HADHB: variants seen among roughly 807,000 people sequenced by gnomAD.
The protein encoded by HADHB is trifunctional enzyme subunit beta, mitochondrial.
HADHB carries 50 observed loss-of-function variants against 61.9 expected under a neutral mutation model. The observed-to-expected ratio is 0.81, with a 90% confidence interval of 0.64 to 1.02. The LOEUF is 1.02. Ranked by LOEUF, HADHB falls within the 50% of genes least tolerant of loss-of-function variation. HADHB has a pLI of 0.00. For synonymous variants in HADHB, 191 were observed against 201.6 expected (o/e 0.95, Z 0.45); for missense variants, 504 against 586.5 (o/e 0.86, Z 1.45).
intron 8 of HADHB, 79 bp downstream of exon 8, chr2:26,278,880 A>G (rs1672668936): frequency 1.7e-6 from 2 of 1,167,016 alleles, no homozygotes; most frequent in East Asian, 2.3e-5. Flanking sequence ...CTATGCTGTA[A>G]TAGGTGTAGA....
At chr2:26,272,417 C>A (rs999289864) in intron 5 of HADHB, among the ~76,000 whole-genome samples, 1 of 149,574 alleles carries the variant, frequency 6.7e-6, no homozygotes, top group Non-Finnish European at 1.5e-5. Context: ...ACGATCTCGG[C>A]TCACTGCAGC....
intron 15 of HADHB, among the ~76,000 whole-genome samples, chr2:26,287,629 T>C (rs1004086979): frequency 3.9e-5 from 6 of 152,208 alleles, no homozygotes; most frequent in Non-Finnish European, 5.9e-5. Context: ...GAAGATAAGA[T>C]GCATCTGAGA....
At chr2:26,257,468 G>A (rs1671674918) in intron 3 of HADHB, among the ~76,000 whole-genome samples, 1 of 152,056 alleles carries the variant, frequency 6.6e-6, no homozygotes, top group Non-Finnish European at 1.5e-5. Context: ...TCCCATAACT[G>A]TAGTATATCC....
intron 4 of HADHB, among the ~76,000 whole-genome samples, chr2:26,268,365 C>G (rs1672187957): frequency 6.6e-6 from 1 of 152,192 alleles, no homozygotes. Context: ...GAAGGTGGAA[C>G]TTAATTCTCC....
At chr2:26,283,902 A>T (rs1672905999) in intron 12 of HADHB, among the ~76,000 whole-genome samples, 1 of 152,040 alleles carries the variant, frequency 6.6e-6, no homozygotes. Flanking sequence ...CTGTTTATTT[A>T]TTATCAATTT....
At chr2:26,246,020 T>C (rs966623345) in intron 1 of HADHB, among the ~76,000 whole-genome samples, 2 of 151,928 alleles carry the variant, frequency 1.3e-5, no homozygotes, top group African/African-American at 4.8e-5. Flanking sequence ...AGAGACAGAG[T>C]AGAGAGGTTT....
intron 10 of HADHB, among the ~76,000 whole-genome samples, chr2:26,282,063 G>GT (rs1437375889): frequency 6.6e-6 from 1 of 151,842 alleles, no homozygotes; most frequent in African/African-American, 2.4e-5. Context: ...TCTCCCATTG[G>GT]TTTGCTCGTT....
chr2:26,254,585 TATGAGCACATG>T (rs1329401238), intron 3 of HADHB, 111 bp downstream of exon 3: 1 of 744,446 alleles, frequency 1.3e-6, no homozygotes, highest in Non-Finnish European at 2.4e-6. Context: ...CTCCCCTTTT[TATGAGCACATG>T]AACATCTCTG....
intron 13 of HADHB, among the ~76,000 whole-genome samples, 196 bp downstream of exon 13, chr2:26,284,400 A>G (rs1156668874): frequency 6.6e-6 from 1 of 152,084 alleles, no homozygotes; most frequent in Non-Finnish European, 1.5e-5. Flanking sequence ...GTTGGAGAAC[A>G]TACCAAATTG....
intron 9 of HADHB, among the ~76,000 whole-genome samples, 162 bp from the exon 10 acceptor site, chr2:26,279,832 G>C (rs1182567676): frequency 1.3e-5 from 2 of 152,110 alleles, no homozygotes; most frequent in Non-Finnish European, 2.9e-5. Flanking sequence ...TAAGACTTTA[G>C]TTTAAAATTT....
chr2:26,263,331 C>A, intron 3 of HADHB, 49 bp from the exon 4 acceptor site: 2 of 1,016,868 alleles, frequency 2.0e-6, no homozygotes, highest in Non-Finnish European at 3.1e-6. Flanking sequence ...AGTCATCAGA[C>A]TTTATATATT....
At chr2:26,266,041 T>C (rs1672061157) in intron 4 of HADHB, among the ~76,000 whole-genome samples, 1 of 150,548 alleles carries the variant, frequency 6.6e-6, no homozygotes, top group East Asian at 2.0e-4. Context: ...ACTAGACACC[T>C]ATCCCCAACG....
At chr2:26,270,512 G>T (rs991198576) in intron 5 of HADHB, among the ~76,000 whole-genome samples, 10 of 151,842 alleles carry the variant, frequency 6.6e-5, no homozygotes, top group African/African-American at 2.2e-4. Context: ...TTCTTAGTTT[G>T]GAGAAACCCT....
At chr2:26,270,110 T>C in intron 5 of HADHB, 113 bp downstream of exon 5, 1 of 785,244 alleles carries the variant, frequency 1.3e-6, no homozygotes, top group Non-Finnish European at 2.3e-6. Flanking sequence ...TATACAAATT[T>C]AAGCAGCTTA....
intron 1 of HADHB, 199 bp downstream of exon 1, chr2:26,245,189 G>C (rs1369529138): frequency 5.3e-6 from 1 of 188,304 alleles, no homozygotes; most frequent in Non-Finnish European, 1.1e-5. Flanking sequence ...TAGCGTTCCA[G>C]CTGAAGTTCG....
intron 7 of HADHB, among the ~76,000 whole-genome samples, chr2:26,277,687 G>A (rs917090446): frequency 1.3e-5 from 2 of 152,162 alleles, no homozygotes; most frequent in African/African-American, 4.8e-5. Flanking sequence ...CATTGGCGTG[G>A]TTCCTCTGTG....
intron 4 of HADHB, among the ~76,000 whole-genome samples, chr2:26,264,411 A>C (rs975866828): frequency 6.6e-6 from 1 of 151,974 alleles, no homozygotes; most frequent in Admixed American, 6.6e-5. Flanking sequence ...TTAGCTGGGC[A>C]TGGTGGTACA....
rs1168276128 is a variant in HADHB at position 26,264,216 on chromosome 2, A to T, written c.209+737A>T. Among the ~76,000 whole-genome samples, 3 of 152,068 alleles carry T rather than the reference A, an allele frequency of 2.0e-5. No homozygotes were observed. The East Asian group carries it at 5.8e-4, about 29-fold the overall frequency. ...ATGAGACCTATCTTTATATACTAAT[A>T]TGGAAGACCTAAGATCTTGAAGATA... On this transcript the variant is annotated intron_variant, in intron 4 of 15. Transcript: ENST00000317799.
At chr2:26,255,391 T>G (rs979598290) in intron 3 of HADHB, among the ~76,000 whole-genome samples, 1 of 151,738 alleles carries the variant, frequency 6.6e-6, no homozygotes, top group Non-Finnish European at 1.5e-5. Flanking sequence ...TCCCAGCTAC[T>G]TGGGAGGCTG....
Sources: gnomAD v4.1 joint callset for allele counts (sites outside exome capture counted in the v4.1 genomes callset) on GRCh38, gnomAD v4.1.1 for gene constraint, MANE v1.5 for transcripts, NCBI Gene and HGNC (gene_info 2026-07-23, HGNC 2026-07-21) for gene names.